NSUN6: variants seen among roughly 807,000 people sequenced by gnomAD.
NSUN6 encodes the protein NOP2/Sun RNA methyltransferase 6, also known as tRNA (cytosine(72)-C(5))-methyltransferase NSUN6.
NSUN6 carries 64 observed loss-of-function variants against 58.0 expected under a neutral mutation model. That is an observed-to-expected ratio of 1.10 (90% CI 0.90 to 1.36). The LOEUF (loss-of-function observed/expected upper bound fraction) is 1.36. NSUN6 is among the 40% of genes most tolerant of loss of function. The pLI, the probability that NSUN6 is intolerant of heterozygous loss-of-function variation, is 0.00. For synonymous variants in NSUN6, 231 were observed against 193.9 expected (o/e 1.19, Z -1.59); for missense variants, 701 against 550.1 (o/e 1.27, Z -2.74).
intron 8 of NSUN6, among the ~76,000 whole-genome samples, chr10:18,578,944 T>C (rs2056785848): frequency 6.6e-6 from 1 of 152,190 alleles, no homozygotes; most frequent in Non-Finnish European, 1.5e-5. Context: ...CATCTCTGCA[T>C]TCACCACTTC....
At chr10:18,579,486 T>C (rs73607706) in intron 8 of NSUN6, among the ~76,000 whole-genome samples, 90 of 152,294 alleles carry the variant, frequency 5.9e-4, no homozygotes, top group African/African-American at 2.1e-3. Flanking sequence ...TTTTATTCAT[T>C]AAACGCTTTT....
At chr10:18,608,713 C>T (rs116107980) in intron 6 of NSUN6, among the ~76,000 whole-genome samples, 3 of 150,652 alleles carry the variant, frequency 2.0e-5, no homozygotes, top group Non-Finnish European at 4.4e-5. Context: ...ACTAACATTG[C>T]ATTAAACATT....
chr10:18,553,241 T>A (rs901363909), intron 8 of NSUN6, among the ~76,000 whole-genome samples: 1 of 151,320 alleles, frequency 6.6e-6, no homozygotes, highest in Non-Finnish European at 1.5e-5. Flanking sequence ...CGATTCCATT[T>A]CATTCTCCAT....
intron 8 of NSUN6, among the ~76,000 whole-genome samples, chr10:18,562,571 T>C (rs987593902): frequency 3.4e-5 from 5 of 148,140 alleles, no homozygotes; most frequent in African/African-American, 1.3e-4. Context: ...TGGAGTGGAA[T>C]AGAGAATGGA....
At chr10:18,658,631 A>G (rs1350002545), upstream of NSUN6, 14 of 968,058 alleles carry the variant, frequency 1.4e-5, no homozygotes, top group Non-Finnish European at 1.7e-5. Context: ...ATTATGTGTT[A>G]TTATTAATCA....
intron 3 of NSUN6, among the ~76,000 whole-genome samples, chr10:18,623,982 T>G (rs1039774077): frequency 1.3e-5 from 2 of 152,128 alleles, no homozygotes; most frequent in African/African-American, 4.8e-5. Context: ...TGTAACTGTT[T>G]CCATTCAATG....
intron 6 of NSUN6, among the ~76,000 whole-genome samples, chr10:18,606,390 T>TGGGC (rs370001379): frequency 6.6e-6 from 1 of 151,650 alleles, no homozygotes; most frequent in East Asian, 1.9e-4. Context: ...CAAGGCAAGA[T>TGGGC]AGTTATCGCA....
chr10:18,630,773 C>T (rs1460408494), intron 3 of NSUN6, among the ~76,000 whole-genome samples: 1 of 151,882 alleles, frequency 6.6e-6, no homozygotes, highest in Non-Finnish European at 1.5e-5. Flanking sequence ...ATAGCTTACC[C>T]ACCAAAGAGT....
At chr10:18,599,153 T>A (rs1256533473) in intron 6 of NSUN6, among the ~76,000 whole-genome samples, 1 of 152,178 alleles carries the variant, frequency 6.6e-6, no homozygotes, top group Non-Finnish European at 1.5e-5. Flanking sequence ...TCCTCCCACA[T>A]CAGCCTCCAA....
intron 7 of NSUN6, among the ~76,000 whole-genome samples, chr10:18,593,408 A>T (rs1312794487): frequency 6.7e-6 from 1 of 149,524 alleles, no homozygotes; most frequent in Non-Finnish European, 1.5e-5. Flanking sequence ...ATATGCACAC[A>T]TATGTTTACT....
In NSUN6 at chr10:18,611,362, C is replaced by T. The variant is rs1327878460; in HGVS notation, c.576-1436G>A. Among the ~76,000 whole-genome samples, 3 of 152,126 alleles carry T rather than the reference C, an allele frequency of 2.0e-5. No individual in the cohort carries two copies. In the East Asian group the frequency reaches 5.8e-4, roughly 29 times the overall value. ...CTTATGGAACAGTTTATGAGTTGAT[C>T]TTGGCAGACATGCATCTACATGCAT... On this transcript the variant is annotated intron_variant, in intron 5 of 10. Transcript: ENST00000377304.
intron 6 of NSUN6, among the ~76,000 whole-genome samples, chr10:18,602,974 A>T (rs1244253437): frequency 6.6e-6 from 1 of 152,170 alleles, no homozygotes; most frequent in Non-Finnish European, 1.5e-5. Context: ...CCTCTACATA[A>T]GTCCTAGCCT....
intron 8 of NSUN6, among the ~76,000 whole-genome samples, chr10:18,554,334 G>T (rs2054825291): frequency 6.6e-6 from 1 of 151,458 alleles, no homozygotes; most frequent in Non-Finnish European, 1.5e-5. Context: ...AATGTGGAAT[G>T]GAATGGAATG....
chr10:18,555,517 T>C (rs1020784050), intron 8 of NSUN6, among the ~76,000 whole-genome samples: 1 of 142,344 alleles, frequency 7.0e-6, no homozygotes, highest in Non-Finnish European at 1.5e-5. Flanking sequence ...GAGAATGGAA[T>C]GGAAGGGAGC....
intron 7 of NSUN6, among the ~76,000 whole-genome samples, chr10:18,594,431 G>T (rs201643494): frequency 6.7e-6 from 1 of 149,806 alleles, no homozygotes; most frequent in Non-Finnish European, 1.5e-5. Context: ...GACACTTTCT[G>T]TTTTTTTTTG....
upstream of NSUN6, among the ~76,000 whole-genome samples, chr10:18,656,343 C>G (rs1043138263): frequency 6.6e-6 from 1 of 152,142 alleles, no homozygotes; most frequent in Non-Finnish European, 1.5e-5. Flanking sequence ...TCAAGACCAG[C>G]CTGACCAACA....
At chr10:18,624,584 G>A (rs1590109255) in intron 3 of NSUN6, among the ~76,000 whole-genome samples, 1 of 141,848 alleles carries the variant, frequency 7.0e-6, no homozygotes, top group Non-Finnish European at 1.5e-5. Context: ...CCGGGATGTA[G>A]AGCTTGCAGT....
intron 8 of NSUN6, among the ~76,000 whole-genome samples, chr10:18,577,538 C>A (rs1413906984): frequency 6.6e-6 from 1 of 152,130 alleles, no homozygotes; most frequent in Non-Finnish European, 1.5e-5. Context: ...ACTATCTCCA[C>A]CTTATCCAGA....
intron 8 of NSUN6, among the ~76,000 whole-genome samples, chr10:18,581,096 T>C (rs2056883635): frequency 6.6e-6 from 1 of 152,078 alleles, no homozygotes. Flanking sequence ...GATTCTTCCC[T>C]TGGGGTGGGC....
Sources: gnomAD v4.1 joint callset for allele counts (sites outside exome capture counted in the v4.1 genomes callset) on GRCh38, gnomAD v4.1.1 for gene constraint, MANE v1.5 for transcripts, NCBI Gene and HGNC (gene_info 2026-07-23, HGNC 2026-07-21) for gene names.